FOXP1: variants seen among roughly 807,000 people sequenced by gnomAD.
The protein encoded by FOXP1 is forkhead box protein P1.
FOXP1 carries 15 observed loss-of-function variants against 98.2 expected under a neutral mutation model. The ratio of observed to expected loss-of-function variants is 0.15; its 90% confidence interval spans 0.10 to 0.24. The LOEUF (loss-of-function observed/expected upper bound fraction) is 0.24. FOXP1 is among the 10% of genes least tolerant of loss of function. FOXP1 has a pLI of 1.00. For synonymous variants in FOXP1, 371 were observed against 314.5 expected, an observed-to-expected ratio of 1.18 and a Z score of -1.90; for missense variants, 633 against 848.5, an observed-to-expected ratio of 0.75 and a Z score of 3.15.
chr3:71,015,744 A>G (rs1178844418), intron 11 of FOXP1, 91 bp from the exon 12 acceptor site: 4 of 802,710 alleles, frequency 5.0e-6, no homozygotes, highest in African/African-American at 3.4e-5. Flanking sequence ...AGGAGCCCAC[A>G]TGGCCAAATG....
intron 3 of FOXP1, among the ~76,000 whole-genome samples, chr3:71,401,278 T>C (rs2081944419): frequency 6.6e-6 from 1 of 152,002 alleles, no homozygotes; most frequent in Non-Finnish European, 1.5e-5. Flanking sequence ...AGGCACCAAC[T>C]CCTATTTGGA....
intron 5 of FOXP1, among the ~76,000 whole-genome samples, chr3:71,243,700 T>C (rs760504246): frequency 2.0e-5 from 3 of 152,254 alleles, no homozygotes; most frequent in Non-Finnish European, 4.4e-5. Context: ...ATATTTATTA[T>C]GATTAATAGC....
intron 19 of FOXP1, among the ~76,000 whole-genome samples, chr3:70,966,791 G>A (rs145331328): frequency 5.9e-5 from 9 of 152,274 alleles, no homozygotes; most frequent in Non-Finnish European, 1.2e-4. Flanking sequence ...GTTACTCCAC[G>A]TGAGTGTCAG....
At chr3:71,052,483 C>A in intron 9 of FOXP1, 54 bp downstream of exon 9, 1 of 869,786 alleles carries the variant, frequency 1.1e-6, no homozygotes, top group Admixed American at 1.7e-5. Context: ...TTAATAGCCA[C>A]TAGATAGTCC....
intron 2 of FOXP1, among the ~76,000 whole-genome samples, chr3:71,575,645 A>C (rs2047669250): frequency 1.3e-5 from 2 of 152,232 alleles, no homozygotes; most frequent in Admixed American, 1.3e-4. Context: ...GGGCAAAAGA[A>C]ACTCAAGCAA....
chr3:71,538,062 C>A (rs1045620987), intron 2 of FOXP1, among the ~76,000 whole-genome samples: 1 of 152,168 alleles, frequency 6.6e-6, no homozygotes, highest in Non-Finnish European at 1.5e-5. Context: ...TACTATCTGG[C>A]CCTTTACAGA....
chr3:71,166,285 G>C (rs182043930), intron 6 of FOXP1, among the ~76,000 whole-genome samples: 2 of 152,260 alleles, frequency 1.3e-5, no homozygotes, highest in African/African-American at 4.8e-5. Context: ...ACAAGCAAGT[G>C]GGGGGTGACA....
intron 6 of FOXP1, among the ~76,000 whole-genome samples, chr3:71,172,161 C>CT (rs1294398148): frequency 1.3e-5 from 2 of 151,256 alleles, no homozygotes; most frequent in East Asian, 1.9e-4. Context: ...TCCTCCATTA[C>CT]TTTTTTTTTA....
chr3:70,976,916 A>C, intron 17 of FOXP1, 25 bp downstream of exon 17: 1 of 1,547,788 alleles, frequency 6.5e-7, no homozygotes, highest in Non-Finnish European at 8.9e-7. Context: ...AAGATCCAAG[A>C]ATAAACAGGC....
At chr3:71,287,254 C>G (rs1457668512) in intron 5 of FOXP1, among the ~76,000 whole-genome samples, 1 of 152,040 alleles carries the variant, frequency 6.6e-6, no homozygotes. Flanking sequence ...GGTGGATCCC[C>G]TCATCCCAGG....
intron 2 of FOXP1, among the ~76,000 whole-genome samples, chr3:71,514,373 C>T (rs771771648): frequency 2.0e-5 from 3 of 152,218 alleles, no homozygotes; most frequent in African/African-American, 7.2e-5. Context: ...GAACTGCCAA[C>T]CTCATTCCCT....
intron 7 of FOXP1, among the ~76,000 whole-genome samples, chr3:71,073,045 G>A (rs1316930170): frequency 6.6e-6 from 1 of 152,242 alleles, no homozygotes; most frequent in African/African-American, 2.4e-5. Context: ...AGCAGTAGAT[G>A]AAGCAGGAAG....
intron 10 of FOXP1, among the ~76,000 whole-genome samples, chr3:71,042,296 T>C (rs916540222): frequency 6.6e-6 from 1 of 152,166 alleles, no homozygotes. Flanking sequence ...CTTGTTTTTT[T>C]AAAGGGGATC....
intron 5 of FOXP1, among the ~76,000 whole-genome samples, chr3:71,299,467 T>C (rs1457586338): frequency 6.6e-6 from 1 of 152,248 alleles, no homozygotes; most frequent in Non-Finnish European, 1.5e-5. Flanking sequence ...TTACTCTTGT[T>C]TGCAGCAAGT....
At chr3:71,306,631 C>CAAAAAAAAAAAAAAAAAAAAAA (rs66479255) in intron 4 of FOXP1, among the ~76,000 whole-genome samples, 3 of 42,852 alleles carry the variant, frequency 7.0e-5, no homozygotes, top group Admixed American at 3.4e-4. Flanking sequence ...GAGAATAAGC[C>CAAAAAAAAAAAAAAAAAAAAAA]AAAAAAAAAA....
chr3:71,409,236 T>C (rs2082553848), intron 3 of FOXP1, among the ~76,000 whole-genome samples: 1 of 152,188 alleles, frequency 6.6e-6, no homozygotes, highest in African/African-American at 2.4e-5. Flanking sequence ...CATTTCTTTA[T>C]CCTGATTTAT....
At position 71,128,100 on chromosome 3, in the gene FOXP1, G is replaced by A. The variant is rs569485881; in HGVS notation, c.181-15463C>T. On this transcript the variant is annotated intron_variant, in intron 6 of 20. Transcript: ENST00000649528. ...GTATAGGCAATGAAACAGATTTTCAGTTGTGATTTATAGGTCTTGATACGA... is the reference window on the plus strand; with the variant it reads ...GTATAGGCAATGAAACAGATTTTCAATTGTGATTTATAGGTCTTGATACGA... Among the ~76,000 whole-genome samples the A allele has an allele frequency of 2.6e-5, 4 of 152,290 alleles. No individual in the cohort carries two copies. In the East Asian group the frequency reaches 7.7e-4, roughly 29 times the overall value.
At chr3:71,137,814 G>A (rs1244641674) in intron 6 of FOXP1, among the ~76,000 whole-genome samples, 1 of 148,304 alleles carries the variant, frequency 6.7e-6, no homozygotes, top group African/African-American at 2.5e-5. Context: ...TTTTTTTGGT[G>A]CAAGACCATG....
intron 6 of FOXP1, among the ~76,000 whole-genome samples, chr3:71,134,670 A>G (rs1487426050): frequency 6.6e-6 from 1 of 152,212 alleles, no homozygotes; most frequent in Non-Finnish European, 1.5e-5. Context: ...GAAGCACGAA[A>G]TAGCCCATAC....
Sources: allele counts gnomAD v4.1 joint callset (sites outside exome capture counted in the v4.1 genomes callset), GRCh38; gene constraint gnomAD v4.1.1; transcripts MANE v1.5; gene names NCBI Gene and HGNC (gene_info 2026-07-23, HGNC 2026-07-21).